Variants in TRPM3 observed in about 807,000 individuals in gnomAD.
TRPM3 encodes long transient receptor potential channel 3.
TRPM3 carries 77 observed loss-of-function variants against 181.2 expected under a neutral mutation model. The observed-to-expected ratio is 0.42, with a 90% CI of 0.35 to 0.51. The LOEUF is 0.51. Among genes scored for constraint, TRPM3 ranks in the 20% least tolerant of loss-of-function variants. The pLI is 0.01. For synonymous variants in TRPM3, 745 were observed against 796.4 expected (o/e 0.94, Z 1.09); for missense variants, 1,759 against 2,196.7 (o/e 0.80, Z 3.98).
At chr9:71,203,653 A>G (rs1301086599) in intron 1 of TRPM3, among the ~76,000 whole-genome samples, 2 of 152,162 alleles carry the variant, frequency 1.3e-5, no homozygotes, top group Admixed American at 6.5e-5. Context: ...TTCCTCATCT[A>G]TAAAATGATG....
rs1004110749 is a variant in TRPM3, at chr9:70,827,787, A to G, written c.973+60T>C. On this transcript the variant is annotated intron_variant, in intron 6 of 25. Coordinates refer to ENST00000677713, the MANE Select transcript of TRPM3 (RefSeq NM_001366145.2). ...TTACATTGCTGCATGGTGTACTTAA[A>G]GTTATTCACTTTCAGCATACCTCCT... The G allele has an allele frequency of 1.1e-5, 18 of 1,568,230 alleles. No homozygotes were observed. In the African/African-American group the frequency reaches 2.3e-4, roughly 20 times the overall value.
intron 1 of TRPM3, among the ~76,000 whole-genome samples, chr9:71,399,607 C>T (rs10114329): frequency 0.025 from 3,637 of 142,662 alleles, 91 homozygotes; most frequent in African/African-American, 0.066. Flanking sequence ...TGGCTCACTG[C>T]AAGCTCCACC....
intron 1 of TRPM3, among the ~76,000 whole-genome samples, chr9:70,997,021 T>C (rs2097546809): frequency 6.6e-6 from 1 of 152,214 alleles, no homozygotes; most frequent in Non-Finnish European, 1.5e-5. Flanking sequence ...CCAACGTCAG[T>C]ATATTCTCTT....
intron 5 of TRPM3, among the ~76,000 whole-genome samples, chr9:70,835,899 A>C (rs1425114763): frequency 6.6e-6 from 1 of 152,176 alleles, no homozygotes; most frequent in East Asian, 1.9e-4. Context: ...TCCCAGAAAC[A>C]TCCATCACCA....
intron 1 of TRPM3, among the ~76,000 whole-genome samples, chr9:71,048,825 GT>G (rs2059752861): frequency 6.6e-6 from 1 of 152,180 alleles, no homozygotes; most frequent in Admixed American, 6.5e-5. Context: ...GGATGCTGAT[GT>G]GAGAGGAATA....
At chr9:70,548,750 G>C (rs1027855481) in intron 25 of TRPM3, among the ~76,000 whole-genome samples, 2 of 152,068 alleles carry the variant, frequency 1.3e-5, no homozygotes, top group East Asian at 3.9e-4. Flanking sequence ...GTTTCTATTA[G>C]TCTACAGCAA....
intron 8 of TRPM3, among the ~76,000 whole-genome samples, chr9:70,743,761 C>A (rs1310066474): frequency 6.6e-6 from 1 of 151,844 alleles, no homozygotes; most frequent in Non-Finnish European, 1.5e-5. Context: ...GGAAGACCTT[C>A]CTAGAGTTAG....
intron 1 of TRPM3, among the ~76,000 whole-genome samples, chr9:71,049,420 A>G (rs1160636147): frequency 2.0e-5 from 3 of 152,198 alleles, no homozygotes; most frequent in African/African-American, 4.8e-5. Context: ...AGTATATAAT[A>G]TCAATACTCT....
intron 1 of TRPM3, among the ~76,000 whole-genome samples, chr9:71,370,701 T>TTG (rs1189312760): frequency 6.6e-6 from 1 of 152,196 alleles, no homozygotes; most frequent in Admixed American, 6.5e-5. Flanking sequence ...TGCAACAAGT[T>TTG]ATTCAGAGAT....
chr9:70,739,422 C>G (rs920907618), intron 8 of TRPM3, among the ~76,000 whole-genome samples: 1 of 152,042 alleles, frequency 6.6e-6, no homozygotes, highest in African/African-American at 2.4e-5. Context: ...TTGACAAAAT[C>G]CAGCATCACT....
chr9:70,942,299 C>T (rs929196727), intron 1 of TRPM3, among the ~76,000 whole-genome samples: 2 of 152,122 alleles, frequency 1.3e-5, no homozygotes, highest in East Asian at 1.9e-4. Context: ...AAACACACAC[C>T]GTTGAATTAA....
At chr9:70,773,525 A>G (rs1159454971) in intron 7 of TRPM3, among the ~76,000 whole-genome samples, 1 of 152,174 alleles carries the variant, frequency 6.6e-6, no homozygotes, top group Non-Finnish European at 1.5e-5. Context: ...CTTTCAAAGT[A>G]ATTTCTCAAA....
chr9:71,171,039 AG>A (rs1202509017), intron 1 of TRPM3, among the ~76,000 whole-genome samples: 1 of 151,886 alleles, frequency 6.6e-6, no homozygotes, highest in Admixed American at 6.6e-5. Flanking sequence ...AGCCCCCCCC[AG>A]GTGCTCCTGT....
intron 1 of TRPM3, among the ~76,000 whole-genome samples, chr9:71,130,819 G>A (rs757264335): frequency 2.6e-5 from 4 of 152,100 alleles, no homozygotes; most frequent in Non-Finnish European, 5.9e-5. Context: ...GAATTATAAT[G>A]TTCTGTAGTG....
intron 1 of TRPM3, among the ~76,000 whole-genome samples, chr9:70,945,239 C>T (rs1392258129): frequency 6.6e-6 from 1 of 152,162 alleles, no homozygotes; most frequent in Non-Finnish European, 1.5e-5. Flanking sequence ...GTCTCATCAT[C>T]TTGTCTTATT....
intron 1 of TRPM3, among the ~76,000 whole-genome samples, chr9:70,905,169 C>T (rs2096444487): frequency 6.6e-6 from 1 of 152,256 alleles, no homozygotes; most frequent in East Asian, 1.9e-4. Context: ...GGAGCATTTC[C>T]CAAACCTATG....
At chr9:70,811,127 G>A (rs1470656315) in intron 6 of TRPM3, 2 of 1,470,002 alleles carry the variant, frequency 1.4e-6, no homozygotes, top group South Asian at 1.2e-5. Context: ...TTAATTTCTT[G>A]GAGTTTAAGA....
intron 1 of TRPM3, among the ~76,000 whole-genome samples, chr9:70,893,652 G>GA (rs145508062): frequency 0.081 from 12,256 of 152,148 alleles, 546 homozygotes; most frequent in African/African-American, 0.11. Flanking sequence ...ACTGAAAAGG[G>GA]AAAACTGTAA....
intron 8 of TRPM3, 55 bp downstream of exon 8, chr9:70,761,546 C>G (rs770504312): frequency 6.2e-7 from 1 of 1,613,124 alleles, no homozygotes; most frequent in Non-Finnish European, 8.5e-7. Context: ...TTGTGTGATT[C>G]AAGAAAATGA....
Sources: allele counts gnomAD v4.1 joint callset (sites outside exome capture counted in the v4.1 genomes callset), GRCh38; gene constraint gnomAD v4.1.1; transcripts MANE v1.5; gene names NCBI Gene and HGNC (gene_info 2026-07-23, HGNC 2026-07-21).